Variants in HS3ST3B1 observed in about 807,000 individuals in gnomAD.
HS3ST3B1 encodes heparan sulfate glucosamine 3-O-sulfotransferase 3B1.
Under a neutral mutation model 21.3 loss-of-function variants are expected in HS3ST3B1, and 13 were observed. That is an observed-to-expected ratio of 0.61 (90% CI 0.40 to 0.97). The LOEUF (loss-of-function observed/expected upper bound fraction) is 0.97. Among genes scored for constraint, HS3ST3B1 ranks in the 50% least tolerant of loss-of-function variants. HS3ST3B1 has a pLI of 0.00. For missense variants in HS3ST3B1, 459 were observed against 554.8 expected, an observed-to-expected ratio of 0.83 and a Z score of 1.73; for synonymous variants, 234 against 254.8, an observed-to-expected ratio of 0.92 and a Z score of 0.78.
intron 1 of HS3ST3B1, among the ~76,000 whole-genome samples, chr17:14,316,975 G>T (rs1168942663): frequency 6.6e-6 from 1 of 152,208 alleles, no homozygotes; most frequent in Non-Finnish European, 1.5e-5. Context: ...TAGGTTCTTC[G>T]TACTTGGGGA....
In HS3ST3B1 at chr17:14,345,145, C is replaced by A; in HGVS notation, c.672C>A (p.Ile224=). Residue 224 remains isoleucine, a synonymous_variant, in exon 2 of 2, where the codon ATC becomes ATA. Transcript: ENST00000360954. ...ISAMSKDTKL[I]VVVRDPVTRA... is the part of the protein sequence containing the mutation. ...CCATGTCCAAGGACACCAAGCTCAT[C>A]GTGGTGGTGCGGGACCCGGTGACCA... 6.3e-7 allele frequency: 1 copy of A among 1,589,380 alleles called. No homozygotes were observed. Among genetic ancestry groups the A allele is most frequent in the Non-Finnish European group, 8.6e-7 (1 of 1,164,306 alleles).
At chr17:14,342,707 A>G (rs934240050) in intron 1 of HS3ST3B1, among the ~76,000 whole-genome samples, 12 of 152,216 alleles carry the variant, frequency 7.9e-5, no homozygotes, top group Non-Finnish European at 1.8e-4. Context: ...GACGCCCAGA[A>G]AAGTTAAATA....
At chr17:14,325,980 T>C (rs12453366) in intron 1 of HS3ST3B1, among the ~76,000 whole-genome samples, 85,201 of 152,094 alleles carry the variant, frequency 0.56, 24,907 homozygotes, top group African/African-American at 0.73. Flanking sequence ...ACTGCTATAG[T>C]AGATGGATAG....
chr17:14,345,834 A>G lies in HS3ST3B1; in HGVS notation c.*188A>G, dbSNP rs1910554155. 2.7e-6 allele frequency: 2 copies of G among 737,208 alleles called. No homozygotes were observed. Among genetic ancestry groups the G allele is most frequent in the East Asian group, 5.9e-5 (2 of 33,730 alleles). The allele number at this position is 737,208 out of a possible 1,614,324, so 45.7% of individuals were successfully genotyped here. On this transcript the variant is annotated 3_prime_UTR_variant, in exon 2 of 2. Transcript: ENST00000360954. Reference sequence around the variant, plus strand: ...ATCTGTTAACATTCCAAAGTGTTTAACTCTAGTATTTCGTTCTCTTCTTCA... The same window carrying G: ...ATCTGTTAACATTCCAAAGTGTTTAGCTCTAGTATTTCGTTCTCTTCTTCA...
chr17:14,344,062 A>C (rs923787670), intron 1 of HS3ST3B1, among the ~76,000 whole-genome samples: 2 of 151,900 alleles, frequency 1.3e-5, no homozygotes, highest in Non-Finnish European at 2.9e-5. Flanking sequence ...ACACCCAGTT[A>C]ATTGTTTTTT....
At chr17:14,317,290 A>G (rs1288556470) in intron 1 of HS3ST3B1, among the ~76,000 whole-genome samples, 2 of 152,208 alleles carry the variant, frequency 1.3e-5, no homozygotes, top group Non-Finnish European at 2.9e-5. Flanking sequence ...TGGCACTACT[A>G]GTGGAATGTC....
At chr17:14,344,100 A>G (rs1337731821) in intron 1 of HS3ST3B1, among the ~76,000 whole-genome samples, 1 of 151,800 alleles carries the variant, frequency 6.6e-6, no homozygotes, top group African/African-American at 2.4e-5. Context: ...GGGTTTTGCC[A>G]TTTTGTCCAG....
At chr17:14,328,275 A>G (rs1021566997) in intron 1 of HS3ST3B1, 2 of 152,210 alleles carry the variant, frequency 1.3e-5, no homozygotes, top group African/African-American at 2.4e-5. Flanking sequence ...TGTGAAATGC[A>G]CAAGGCAGGT....
At chr17:14,329,346 AAAG>A (rs1272142363) in intron 1 of HS3ST3B1, 1 of 111,640 alleles carries the variant, frequency 9.0e-6, no homozygotes, top group African/African-American at 3.6e-5. Flanking sequence ...AGAAAGAAAG[AAAG>A]AAAGAAAGAA....
chr17:14,303,115 A>C lies in HS3ST3B1; in HGVS notation c.554+1043A>C, dbSNP rs1908998676. Among the ~76,000 whole-genome samples, 1 of 152,000 alleles carries C rather than the reference A, an allele frequency of 6.6e-6. No homozygotes were observed. Among genetic ancestry groups the C allele is most frequent in the Non-Finnish European group, 1.5e-5 (1 of 68,002 alleles). On this transcript the variant is annotated intron_variant, in intron 1 of 1. Coordinates refer to ENST00000360954, the MANE Select transcript of HS3ST3B1 (RefSeq NM_006041.3). This position sits in a 1 kb window ranked among gnomAD's most constrained non-coding sequence, Gnocchi z 5.7. ...TTCGGGTAAGGCGCGAGTGGGCAGG[A>C]GGTCTAGATTTCGGCCTCCGATAAC... is the stretch of plus-strand genomic sequence containing the variant.
intron 1 of HS3ST3B1, among the ~76,000 whole-genome samples, chr17:14,309,774 G>T (rs1323503126): frequency 6.6e-6 from 1 of 152,154 alleles, no homozygotes; most frequent in Non-Finnish European, 1.5e-5. Flanking sequence ...CGAATGTTCG[G>T]CTCCCGAGTC....
At chr17:14,309,057 T>C (rs1909218140) in intron 1 of HS3ST3B1, among the ~76,000 whole-genome samples, 1 of 152,166 alleles carries the variant, frequency 6.6e-6, no homozygotes, top group African/African-American at 2.4e-5. Context: ...CGGACGGAAG[T>C]GTCCAGCAGG....
chr17:14,301,704 G>C lies in HS3ST3B1; in HGVS notation c.186G>C (p.Leu62=). 1 of 1,602,348 alleles carries C rather than the reference G, an allele frequency of 6.2e-7. No homozygotes were observed. The highest frequency in any genetic ancestry group is 8.5e-7 in the Non-Finnish European group (1 of 1,176,504). The change falls in exon 1 of 2, where the codon CTG becomes CTC. Residue 62 remains leucine, a synonymous_variant. Coordinates refer to ENST00000360954, the MANE Select transcript of HS3ST3B1 (RefSeq NM_006041.3). The part of the protein sequence containing the change: ...AGSCAAAPGL[L]LLGSGSRAAH... ...CCTGCGCCGCCGCGCCGGGGCTGCT[G>C]CTCCTGGGCTCTGGGTCCCGCGCCG...
intron 1 of HS3ST3B1, among the ~76,000 whole-genome samples, chr17:14,309,362 T>G (rs1909232302): frequency 6.6e-6 from 1 of 152,104 alleles, no homozygotes; most frequent in African/African-American, 2.4e-5. Context: ...GGCCGGGTAG[T>G]CCTCCGTGGC....
intron 1 of HS3ST3B1, among the ~76,000 whole-genome samples, chr17:14,335,854 A>G (rs1480182767): frequency 1.3e-5 from 2 of 152,334 alleles, no homozygotes; most frequent in African/African-American, 4.8e-5. Context: ...GAATAAGTGG[A>G]TTTGGGGGAA....
intron 1 of HS3ST3B1, chr17:14,329,089 A>T (rs1787739694): frequency 6.6e-6 from 1 of 152,100 alleles, no homozygotes; most frequent in African/African-American, 2.4e-5. Flanking sequence ...TGGAGCCATT[A>T]TCTCAGACTT....
Position 14,345,039 on chromosome 17 carries a change from C to G in HS3ST3B1, c.566C>G (p.Pro189Arg). ...CTTGCGTTTCTCAGGGACCTGATGC[C>G]CAGAACCCTGGACGGGCAGATCACC... The part of the protein sequence containing the change: ...KGLAWYRDLM[P>R]RTLDGQITME... The change falls in exon 2 of 2, where the codon CCC becomes CGC. Residue 189 changes from proline to arginine, a missense_variant. By Grantham distance (103) the Pro-to-Arg change is moderately radical. Coordinates refer to ENST00000360954, the MANE Select transcript of HS3ST3B1 (RefSeq NM_006041.3). 6.2e-7 allele frequency: 1 copy of G among 1,603,368 alleles called. No individual in the cohort carries two copies. The highest frequency in any genetic ancestry group is 1.1e-5 in the South Asian group (1 of 89,936).
chr17:14,310,099 T>C (rs559308576), intron 1 of HS3ST3B1, among the ~76,000 whole-genome samples: 1 of 152,268 alleles, frequency 6.6e-6, no homozygotes, highest in Non-Finnish European at 1.5e-5. Context: ...AATACCTTCA[T>C]TTCCATAATT....
chr17:14,347,224 T>C lies in HS3ST3B1; in HGVS notation c.*1578T>C, dbSNP rs867808192. ...ACAGCTGTCCCTTGTTTTAGCCAGG[T>C]CTTGACAGAAGGGTTACCAGCACTG... On this transcript the variant is annotated 3_prime_UTR_variant, in exon 2 of 2. Transcript: ENST00000360954. 6.6e-6 allele frequency: 1 copy of C among 152,152 alleles called. No individual in the cohort carries two copies. Among genetic ancestry groups the C allele is most frequent in the African/African-American group, 2.4e-5 (1 of 41,422 alleles). The allele number at this position is 152,152 out of a possible 1,614,324, so 9.4% of individuals were successfully genotyped here.
Sources: allele counts gnomAD v4.1 joint callset (sites outside exome capture counted in the v4.1 genomes callset), GRCh38; gene constraint gnomAD v4.1.1; non-coding constraint Gnocchi (gnomAD v3.1); transcripts MANE v1.5; gene names NCBI Gene and HGNC (gene_info 2026-07-23, HGNC 2026-07-21).